Variants in SLC22A3 observed in about 807,000 individuals in gnomAD.
The protein encoded by SLC22A3 is solute carrier family 22 member 3.
A neutral mutation model predicts 59.1 loss-of-function variants in SLC22A3; 51 were observed. That is an observed-to-expected ratio of 0.86 (90% CI 0.69 to 1.09). The LOEUF is 1.09. SLC22A3 is among the 50% of genes least tolerant of loss of function. The pLI, the probability that SLC22A3 is intolerant of heterozygous loss-of-function variation, is 0.00. For synonymous variants in SLC22A3, 325 were observed against 292.0 expected (o/e 1.11, Z -1.15); for missense variants, 711 against 726.3 (o/e 0.98, Z 0.24).
rs1786574838 is a variant in SLC22A3 at position 160,397,999 on chromosome 6, T to G, written c.450T>G (p.Asn150Lys). The change falls in exon 2 of 11, where the codon AAT becomes AAG. Residue 150 changes from asparagine to lysine, a missense_variant. Transcript: ENST00000275300. ...IVSEFDLVCV[N>K]AWMLDLTQAI... ...CTCAGTTTGACCTTGTCTGTGTCAA[T>G]GCGTGGATGCTGGACCTCACCCAAG... 1 of 1,613,528 alleles carries G rather than the reference T, an allele frequency of 6.2e-7. No individual in the cohort carries two copies. Among genetic ancestry groups the G allele is most frequent in the African/African-American group, 1.3e-5 (1 of 74,908 alleles).
intron 7 of SLC22A3, among the ~76,000 whole-genome samples, chr6:160,438,922 C>T (rs939527502): frequency 5.3e-5 from 8 of 152,052 alleles, no homozygotes; most frequent in African/African-American, 1.4e-4. Flanking sequence ...TCCATATTCA[C>T]AGGACATTCT....
intron 1 of SLC22A3, among the ~76,000 whole-genome samples, chr6:160,386,118 G>A (rs1187097248): frequency 6.6e-6 from 1 of 152,218 alleles, no homozygotes; most frequent in Non-Finnish European, 1.5e-5. Flanking sequence ...TGAGCACCTT[G>A]AGCACGGGCA....
At chr6:160,393,564 T>A (rs1269731214) in intron 1 of SLC22A3, among the ~76,000 whole-genome samples, 1 of 152,050 alleles carries the variant, frequency 6.6e-6, no homozygotes, top group Non-Finnish European at 1.5e-5. Context: ...CTTGTGATAG[T>A]TTGCTGAGAA....
Position 160,442,823 on chromosome 6 carries a change from G to C in SLC22A3, c.1351G>C (p.Glu451Gln), listed in dbSNP as rs1788600159. 1 of 1,614,048 alleles carries C rather than the reference G, an allele frequency of 6.2e-7. No homozygotes were observed. The highest frequency in any genetic ancestry group is 2.2e-5 in the East Asian group (1 of 44,840). ...AAGACTAGGGATAACCATGGCCTTT[G>C]AAATTGTTTATTTGGTAAATTCAGA... The part of the protein sequence containing the change: ...LGRLGITMAF[E>Q]IVYLVNSELY... The change falls in exon 8 of 11, where the codon GAA becomes CAA. Residue 451 changes from glutamate to glutamine, a missense_variant. Transcript: ENST00000275300.
At chr6:160,430,368 G>A (rs779663681) in intron 5 of SLC22A3, among the ~76,000 whole-genome samples, 4 of 151,898 alleles carry the variant, frequency 2.6e-5, no homozygotes, top group African/African-American at 9.7e-5. Context: ...TTTCTGACCC[G>A]AGACCAGTCC....
At chr6:160,414,367 T>C (rs191471041) in intron 5 of SLC22A3, among the ~76,000 whole-genome samples, 1 of 152,392 alleles carries the variant, frequency 6.6e-6, no homozygotes, top group Admixed American at 6.5e-5. Flanking sequence ...ATAGCTCATA[T>C]AGGGAAGACA....
At chr6:160,400,538 T>C (rs1786729137) in intron 2 of SLC22A3, among the ~76,000 whole-genome samples, 1 of 152,024 alleles carries the variant, frequency 6.6e-6, no homozygotes, top group African/African-American at 2.4e-5. Context: ...ACAGAATGCC[T>C]TCCCTCCCCC....
chr6:160,369,652 A>G (rs931223971), intron 1 of SLC22A3, among the ~76,000 whole-genome samples: 14 of 152,224 alleles, frequency 9.2e-5, no homozygotes, highest in Non-Finnish European at 1.9e-4. Context: ...CAAATATAAC[A>G]CATGTACCCA....
chr6:160,430,186 G>A (rs1437279268), intron 5 of SLC22A3, among the ~76,000 whole-genome samples: 2 of 151,476 alleles, frequency 1.3e-5, no homozygotes, highest in Non-Finnish European at 2.9e-5. Flanking sequence ...CTAATAAGGT[G>A]TGATTTGATA....
intron 5 of SLC22A3, among the ~76,000 whole-genome samples, chr6:160,413,319 T>C (rs1787332889): frequency 6.6e-6 from 1 of 152,242 alleles, no homozygotes; most frequent in South Asian, 2.1e-4. Flanking sequence ...CACATGGCTG[T>C]GCTTATGAGA....
At chr6:160,399,393 T>A (rs1031402914) in intron 2 of SLC22A3, among the ~76,000 whole-genome samples, 2 of 152,206 alleles carry the variant, frequency 1.3e-5, no homozygotes, top group African/African-American at 4.8e-5. Context: ...ATTTGGATAT[T>A]AGGTTTTGCT....
intron 1 of SLC22A3, among the ~76,000 whole-genome samples, chr6:160,359,729 TA>T (rs1784953615): frequency 6.6e-6 from 1 of 152,352 alleles, no homozygotes; most frequent in African/African-American, 2.4e-5. Flanking sequence ...AAATTGGTGA[TA>T]GGGTTGAAAC....
chr6:160,443,799 A>C, intron 9 of SLC22A3, 57 bp downstream of exon 9: 2 of 964,822 alleles, frequency 2.1e-6, no homozygotes, highest in Non-Finnish European at 3.1e-6. Flanking sequence ...GTACTAAAAG[A>C]GACCTATAAT....
At chr6:160,409,974 T>C (rs190231241) in intron 4 of SLC22A3, among the ~76,000 whole-genome samples, 8 of 152,316 alleles carry the variant, frequency 5.3e-5, no homozygotes, top group Admixed American at 4.6e-4. Context: ...GTTAAGAGCA[T>C]CAAAAAATTA....
chr6:160,367,864 G>A (rs1785262525), intron 1 of SLC22A3, among the ~76,000 whole-genome samples: 1 of 152,094 alleles, frequency 6.6e-6, no homozygotes. Context: ...CACCCATAAT[G>A]TCCCTGCACC....
At chr6:160,414,251 G>A (rs948428058) in intron 5 of SLC22A3, among the ~76,000 whole-genome samples, 3 of 152,100 alleles carry the variant, frequency 2.0e-5, no homozygotes, top group Admixed American at 1.3e-4. Flanking sequence ...ACTCATCAGA[G>A]GTTGCCAAAT....
chr6:160,398,938 T>C (rs370119357), intron 2 of SLC22A3, among the ~76,000 whole-genome samples: 29 of 152,194 alleles, frequency 1.9e-4, no homozygotes, highest in African/African-American at 7.0e-4. Flanking sequence ...CATGGTGGGT[T>C]CTTGTGACTG....
rs1441118340 is a variant in SLC22A3, at chr6:160,359,141, GAA to G, written c.429+10296_429+10297del. Among the ~76,000 whole-genome samples the G allele has an allele frequency of 2.0e-5, 3 of 152,218 alleles. No individual in the cohort carries two copies. In the East Asian group the frequency reaches 5.8e-4, roughly 29 times the overall value. ...CAGTTGCAATGGTCCTATAGGCAATGAAAACATCAGATCACAGTTTGCTTGTG... is the reference window on the plus strand; with the variant it reads ...CAGTTGCAATGGTCCTATAGGCAATGAACATCAGATCACAGTTTGCTTGTG... On this transcript the variant is annotated intron_variant, in intron 1 of 10. Coordinates refer to ENST00000275300, the MANE Select transcript of SLC22A3 (RefSeq NM_021977.4).
chr6:160,425,724 T>G, intron 5 of SLC22A3: 2 of 710,172 alleles, frequency 2.8e-6, no homozygotes, highest in Non-Finnish European at 3.5e-6. Context: ...CCTTTCACAT[T>G]GAAATCTAGG....
Sources: allele counts gnomAD v4.1 joint callset (sites outside exome capture counted in the v4.1 genomes callset), GRCh38; gene constraint gnomAD v4.1.1; transcripts MANE v1.5; gene names NCBI Gene and HGNC (gene_info 2026-07-23, HGNC 2026-07-21).